COPS6: variants seen among roughly 807,000 people sequenced by gnomAD.
COPS6 encodes COP9 signalosome complex subunit 6.
In COPS6, 9 loss-of-function variants were observed where a neutral mutation model predicts 41.0. The ratio of observed to expected loss-of-function variants is 0.22; its 90% CI spans 0.13 to 0.38. COPS6 has a LOEUF of 0.38. Among genes scored for constraint, COPS6 ranks in the 10% least tolerant of loss-of-function variants. The pLI is 1.00. For synonymous variants in COPS6, 179 were observed against 162.9 expected (o/e 1.10, Z -0.75); for missense variants, 302 against 436.7 (o/e 0.69, Z 2.75).
At position 100,091,762 on chromosome 7, in the gene COPS6, C is replaced by G. The variant is rs61749908; in HGVS notation, c.957C>G (p.Gly319=). The G allele has an allele frequency of 5.4e-3, 8,709 of 1,614,190 alleles. 437 individuals are homozygous for G. In the African/African-American group the frequency reaches 0.1, roughly 19 times the overall value. ...TCCTCTACGACCGACAAGGCATCGG[C>G]AGGAGAATGCGCGGGCTCTTTTTCT... The part of the protein sequence containing the change: ...FNVLYDRQGI[G]RRMRGLFF The change falls in exon 10 of 10, where the codon GGC becomes GGG. Residue 319 remains glycine, a synonymous_variant. Transcript: ENST00000303904. This position sits in a 1 kb window ranked among gnomAD's most constrained non-coding sequence, Gnocchi z 4.1.
At position 100,092,000 on chromosome 7, in the gene COPS6, T is replaced by G. The variant is rs1211407486; in HGVS notation, c.*211T>G. 3.3e-6 allele frequency: 2 copies of G among 600,816 alleles called. No homozygotes were observed. The allele number at this position is 600,816 out of a possible 1,614,324, so 37.2% of individuals were successfully genotyped here. A position where few individuals can be genotyped will look rare whatever the true frequency, so the allele number is the denominator to read the frequency against. On this transcript the variant is annotated 3_prime_UTR_variant, in exon 10 of 10. Transcript: ENST00000303904. This position sits in a 1 kb window ranked among gnomAD's most constrained non-coding sequence, Gnocchi z 4.1. ...CATTCTGGCCTTGCTCAGAAGCCCTTCTGATGCTCTTCAGTGAGGGAGGCA... is the reference window on the plus strand; with the variant it reads ...CATTCTGGCCTTGCTCAGAAGCCCTGCTGATGCTCTTCAGTGAGGGAGGCA...
Position 100,091,745 on chromosome 7 carries a change from G to A in COPS6, c.940G>A (p.Asp314Asn), listed in dbSNP as rs1223129586. The A allele has an allele frequency of 3.7e-6, 6 of 1,614,080 alleles. No homozygotes were observed. The highest frequency in any genetic ancestry group is 1.6e-4 in the Middle Eastern group (1 of 6,084). The stretch of plus-strand genomic sequence containing the variant: ...TGTGAACAAGTTCAATGTCCTCTAC[G>A]ACCGACAAGGCATCGGCAGGAGAAT... ...QFVNKFNVLY[D>N]RQGIGRRMRG... The change falls in exon 10 of 10, where the codon GAC (aspartate) becomes AAC (asparagine). Residue 314 changes from aspartate to asparagine, a missense_variant. Transcript: ENST00000303904. The surrounding 1 kb of genome is among the most constrained non-coding windows in gnomAD (Gnocchi z 4.1).
chr7:100,091,103 A>G lies in COPS6; in HGVS notation c.600A>G (p.Val200=). Reference sequence around the variant, plus strand: ...CAGAGGAAGCGGAACGCATTGGTGTAGACCACGTAGCCCGAATGACAGCAA... The same window carrying G: ...CAGAGGAAGCGGAACGCATTGGTGTGGACCACGTAGCCCGAATGACAGCAA... ...LATEEAERIG[V]DHVARMTATG... is the part of the protein sequence containing the mutation. The change falls in exon 7 of 10, where the codon GTA becomes GTG. Residue 200 remains valine, a synonymous_variant. Transcript: ENST00000303904. The surrounding 1 kb of genome is among the most constrained non-coding windows in gnomAD (Gnocchi z 4.1). The G allele has an allele frequency of 1.2e-6, 2 of 1,614,262 alleles. No individual in the cohort carries two copies. Among genetic ancestry groups the G allele is most frequent in the Non-Finnish European group, 1.7e-6 (2 of 1,180,048 alleles).
chr7:100,091,838 A>C lies in COPS6; in HGVS notation c.*49A>C. 6.2e-7 allele frequency: 1 copy of C among 1,611,816 alleles called. No individual in the cohort carries two copies. Among genetic ancestry groups the C allele is most frequent in the Non-Finnish European group, 8.5e-7 (1 of 1,178,154 alleles). ...GACAGGGGTCAGGCAACTATCCCAA[A>C]GGGGAGGGCACTACACTTCCTTGAG... On this transcript the variant is annotated 3_prime_UTR_variant, in exon 10 of 10. Coordinates refer to ENST00000303904, the MANE Select transcript of COPS6 (RefSeq NM_006833.5). This position sits in a 1 kb window ranked among gnomAD's most constrained non-coding sequence, Gnocchi z 4.1.
At chr7:100,090,249 G>C (rs1562888501) in intron 3 of COPS6, 150 bp from the exon 4 acceptor site, 3 of 626,598 alleles carry the variant, frequency 4.8e-6, no homozygotes, top group Non-Finnish European at 8.4e-6. Context: ...GCGGGATGCT[G>C]AGGCAGGAGA....
chr7:100,089,865 A>G lies in COPS6; in HGVS notation c.334+119A>G, dbSNP rs531459181. 1,787 of 933,114 alleles carry G rather than the reference A, an allele frequency of 1.9e-3. 10 individuals carry two copies. The highest frequency in any genetic ancestry group is 1.4e-3 in the South Asian group (86 of 59,576). 57.8% of individuals were successfully genotyped at this position (933,114 alleles called of 1,614,324 possible). A position where few individuals can be genotyped will look rare whatever the true frequency, so the allele number is the denominator to read the frequency against. On this transcript the variant is annotated intron_variant, in intron 3 of 9. Coordinates refer to ENST00000303904, the MANE Select transcript of COPS6 (RefSeq NM_006833.5). Reference sequence around the variant, plus strand: ...AGGAGACCAAGAACAGGGGAGAAAAAGTGAAGAGTAGCTGGAGAGATCTCA... The same window carrying G: ...AGGAGACCAAGAACAGGGGAGAAAAGGTGAAGAGTAGCTGGAGAGATCTCA...
Position 100,089,427 on chromosome 7 carries a change from G to A in COPS6, c.202+12G>A, listed in dbSNP as rs767625256. On this transcript the variant is annotated intron_variant, in intron 2 of 9. Coordinates refer to ENST00000303904, the MANE Select transcript of COPS6 (RefSeq NM_006833.5). ...GCGGCCTGTGCAGGGTGAGTGTTGG[G>A]CATAGACTCCAGTCTCTTCTCCTTG... 2 of 1,613,950 alleles carry A rather than the reference G, an allele frequency of 1.2e-6. No individual in the cohort carries two copies. Among genetic ancestry groups the A allele is most frequent in the Non-Finnish European group, 8.5e-7 (1 of 1,179,990 alleles).
In COPS6 at chr7:100,091,559, T is replaced by C. The variant is rs770326508; in HGVS notation, c.843+39T>C. 30 of 1,613,752 alleles carry C rather than the reference T, an allele frequency of 1.9e-5. No homozygotes were observed. In the African/African-American group the frequency reaches 2.8e-4, roughly 15 times the overall value. ...CCGGATGGGGAGGCGGGGCTTATGCTGTCACTTTCACGTGCAGGACTGGGG... is the reference window on the plus strand; with the variant it reads ...CCGGATGGGGAGGCGGGGCTTATGCCGTCACTTTCACGTGCAGGACTGGGG... On this transcript the variant is annotated intron_variant, in intron 9 of 9. Coordinates refer to ENST00000303904, the MANE Select transcript of COPS6 (RefSeq NM_006833.5). The surrounding 1 kb of genome is among the most constrained non-coding windows in gnomAD (Gnocchi z 4.1).
Position 100,089,419 on chromosome 7 carries a change from A to G in COPS6, c.202+4A>G, listed in dbSNP as rs774664390. The G allele has an allele frequency of 2.5e-6, 4 of 1,613,934 alleles. No individual in the cohort carries two copies. The highest frequency in any genetic ancestry group is 3.4e-6 in the Non-Finnish European group (4 of 1,180,008). ...CAGGAGGGGCGGCCTGTGCAGGGTGAGTGTTGGGCATAGACTCCAGTCTCT... is the reference window on the plus strand; with the variant it reads ...CAGGAGGGGCGGCCTGTGCAGGGTGGGTGTTGGGCATAGACTCCAGTCTCT... On this transcript the variant is annotated splice_donor_region_variant and intron_variant, in intron 2 of 9. Coordinates refer to ENST00000303904, the MANE Select transcript of COPS6 (RefSeq NM_006833.5).
rs752787120 is a variant in COPS6 at position 100,091,790 on chromosome 7, T to A, written c.*1T>A. The A allele has an allele frequency of 6.2e-7, 1 of 1,614,216 alleles. No homozygotes were observed. The highest frequency in any genetic ancestry group is 1.7e-5 in the Admixed American group (1 of 60,022). Reference sequence around the variant, plus strand: ...GAGAATGCGCGGGCTCTTTTTCTGATGAGGGTACTTGAAGGGCTGATGGAC... The same window carrying A: ...GAGAATGCGCGGGCTCTTTTTCTGAAGAGGGTACTTGAAGGGCTGATGGAC... On this transcript the variant is annotated 3_prime_UTR_variant, in exon 10 of 10. Transcript: ENST00000303904. This position sits in a 1 kb window ranked among gnomAD's most constrained non-coding sequence, Gnocchi z 4.1.
At chr7:100,089,846 C>A in intron 3 of COPS6, 100 bp downstream of exon 3, 4 of 1,183,058 alleles carry the variant, frequency 3.4e-6, no homozygotes, top group Non-Finnish European at 3.6e-6. Flanking sequence ...GGAGAGGAGA[C>A]CAAGAACAGG....
Position 100,089,926 on chromosome 7 carries a change from A to C in COPS6, c.334+180A>C, listed in dbSNP as rs115247182. 1.2e-3 allele frequency: 757 copies of C among 607,336 alleles called. 7 individuals carry two copies. The African/African-American group carries it at 0.013, about 10-fold the overall frequency. 37.6% of individuals were successfully genotyped at this position (607,336 alleles called of 1,614,324 possible). ...ACGTTCAGAGTTCTTTCTCAAAAGA[A>C]AGCAAAGGATGAGAGGAGACAGGAT... is the stretch of plus-strand genomic sequence containing the variant. On this transcript the variant is annotated intron_variant, in intron 3 of 9. Transcript: ENST00000303904.
Position 100,090,577 on chromosome 7 carries a change from G to T in COPS6, c.424-15G>T. 1 of 1,613,940 alleles carries T rather than the reference G, an allele frequency of 6.2e-7. No individual in the cohort carries two copies. The highest frequency in any genetic ancestry group is 1.1e-5 in the South Asian group (1 of 91,074). On this transcript the variant is annotated splice_polypyrimidine_tract_variant and intron_variant, in intron 4 of 9. Transcript: ENST00000303904. ...AGGGGGCACTGACTTCCTGTGCATTGTCCCTCTCTTCCAGGTGTGTGAGAT... is the reference window on the plus strand; with the variant it reads ...AGGGGGCACTGACTTCCTGTGCATTTTCCCTCTCTTCCAGGTGTGTGAGAT...
rs987701737 is a variant in COPS6, at chr7:100,090,499, C to T, written c.423+12C>T. On this transcript the variant is annotated intron_variant, in intron 4 of 9. Transcript: ENST00000303904. ...ACGTCCATAAGCAGGTATGCATGCT[C>T]ACACCTGTGCATGCTGGGGCAGAGA... 1.1e-5 allele frequency: 18 copies of T among 1,613,062 alleles called. No homozygotes were observed. Among genetic ancestry groups the T allele is most frequent in the Middle Eastern group, 1.6e-4 (1 of 6,082 alleles).
chr7:100,089,107 A>G (rs1795275478), intron 1 of COPS6, 41 bp downstream of exon 1: 3 of 1,439,432 alleles, frequency 2.1e-6, no homozygotes, highest in Non-Finnish European at 2.7e-6. Context: ...GACCTCCTTC[A>G]GGGGTTCGTT....
chr7:100,089,210 T>TCCGCCGTCCC, intron 1 of COPS6, 80 bp from the exon 2 acceptor site: 6 of 1,540,332 alleles, frequency 3.9e-6, no homozygotes, highest in Non-Finnish European at 5.3e-6. Flanking sequence ...TGGCCCGGGC[T>TCCGCCGTCCC]CCGCCGTCCC....
intron 3 of COPS6, chr7:100,090,141 A>C: frequency 2.0e-6 from 1 of 496,510 alleles, no homozygotes. Flanking sequence ...TGAGGTCAGG[A>C]GTTCAAGACC....
At chr7:100,090,851 C>A in intron 5 of COPS6, 51 bp from the exon 6 acceptor site, 1 of 1,599,456 alleles carries the variant, frequency 6.3e-7, no homozygotes. Flanking sequence ...GTAAAAGCAG[C>A]TAGCCCAAAT....
rs1795342112 is a variant in COPS6 at position 100,092,141 on chromosome 7, C to T, written c.*352C>T. On this transcript the variant is annotated 3_prime_UTR_variant, in exon 10 of 10. Transcript: ENST00000303904. ...TACACTTTAATGTCACCCTCTACATCATCTTACCTAGCCCACCCAACCTTA... is the reference window on the plus strand; with the variant it reads ...TACACTTTAATGTCACCCTCTACATTATCTTACCTAGCCCACCCAACCTTA... 8.0e-6 allele frequency: 2 copies of T among 249,426 alleles called. No individual in the cohort carries two copies. The highest frequency in any genetic ancestry group is 4.9e-5 in the Admixed American group (1 of 20,312). The allele number at this position is 249,426 out of a possible 1,614,324, so 15.5% of individuals were successfully genotyped here.
Sources: gnomAD v4.1 joint callset for allele counts on GRCh38, gnomAD v4.1.1 for gene constraint, Gnocchi (gnomAD v3.1) non-coding constraint, MANE v1.5 for transcripts, NCBI Gene and HGNC (gene_info 2026-07-23, HGNC 2026-07-21) for gene names.